Variants in FAM153A observed in about 807,000 individuals in gnomAD.
FAM153A encodes family with sequence similarity 153 member A.
In FAM153A, 12 loss-of-function variants were observed where a neutral mutation model predicts 48.1. The observed-to-expected ratio is 0.25, with a 90% CI of 0.16 to 0.40. The LOEUF is 0.40. FAM153A is among the 10% of genes least tolerant of loss of function. FAM153A has a pLI of 1.00. For synonymous variants in FAM153A, 36 were observed against 118.2 expected (o/e 0.30, Z 4.51); for missense variants, 111 against 345.8 (o/e 0.32, Z 5.38).
the FAM153A span, among the ~76,000 whole-genome samples, chr5:177,696,887 C>T: frequency 3.3e-5 from 5 of 151,198 alleles, no homozygotes; most frequent in Admixed American, 6.6e-5. Context: ...TGTAAGTCCT[C>T]CAACTTTGTT....
At chr5:177,716,626 CTAAA>C (rs778719559) in intron 24 of FAM153A, among the ~76,000 whole-genome samples, 1 of 151,596 alleles carries the variant, frequency 6.6e-6, no homozygotes, top group Non-Finnish European at 1.5e-5. Flanking sequence ...TGTATTAAAA[CTAAA>C]TATATTGTTT....
chr5:177,781,338 A>G (rs2032959784), upstream of FAM153A, among the ~76,000 whole-genome samples: 2 of 144,032 alleles, frequency 1.4e-5, no homozygotes, highest in Admixed American at 1.4e-4. Flanking sequence ...GATGGTCTCA[A>G]TCTCAATCTC....
chr5:177,750,782 C>CTTAA, intron 2 of FAM153A: 9 of 353,824 alleles, frequency 2.5e-5, no homozygotes, highest in South Asian at 1.7e-4. Context: ...TGACTTAACA[C>CTTAA]ATTTAAATAT....
the FAM153A span, among the ~76,000 whole-genome samples, chr5:177,702,532 G>C: frequency 6.6e-6 from 1 of 151,946 alleles, no homozygotes; most frequent in Admixed American, 6.5e-5. Context: ...ATTTGCATAC[G>C]TAAAAAGGTG....
At position 177,771,279 on chromosome 5, in the gene FAM153A, A is replaced by G; in HGVS notation, c.-57+9170T>C. Among the ~76,000 whole-genome samples the G allele has an allele frequency of 2.1e-5, 2 of 97,508 alleles. 1 individual carries two copies. The highest frequency in any genetic ancestry group is 4.3e-5 in the Non-Finnish European group (2 of 47,002). The allele number at this position is 97,508 out of a possible 152,430, so 64.0% of individuals were successfully genotyped here. A position where few individuals can be genotyped will look rare whatever the true frequency, so the allele number is the denominator to read the frequency against. ...ATTTTTATTCTAATTTTAACTCAGA[A>G]ATTATTATGCTTATTCAATTTAACC... On this transcript the variant is annotated intron_variant, in intron 1 of 8. Coordinates refer to the FAM153A transcript ENST00000393518.
At chr5:177,708,830 C>T (rs532520130), downstream of FAM153A, among the ~76,000 whole-genome samples, 28 of 151,664 alleles carry the variant, frequency 1.8e-4, no homozygotes, top group South Asian at 1.2e-3. Flanking sequence ...CTCAGTGGCT[C>T]ACGCCTGTAA....
rs188951470 is a variant in FAM153A at position 177,765,255 on chromosome 5, C to G, written c.-57+15194G>C. ...TCTGCACTTGGCCTAATAAAGACAA[C>G]AGTGAACATCTGGGCCATCCCCATT... On this transcript the variant is annotated intron_variant, in intron 1 of 8. Transcript: ENST00000393518. 3.3e-4 allele frequency among the ~76,000 whole-genome samples: 33 copies of G among 99,294 alleles called. 14 individuals are homozygous for G. Among genetic ancestry groups the G allele is most frequent in the Admixed American group, 2.2e-3 (22 of 9,782 alleles). 65.1% of individuals were successfully genotyped at this position (99,294 alleles called of 152,430 possible).
the FAM153A span, among the ~76,000 whole-genome samples, chr5:177,699,331 A>T: frequency 1.3e-5 from 2 of 151,352 alleles, no homozygotes; most frequent in Non-Finnish European, 2.9e-5. Context: ...GGAAGGAAAT[A>T]TTAATGTGCA....
intron 10 of FAM153A, among the ~76,000 whole-genome samples, chr5:177,737,456 A>C (rs968217019): frequency 6.6e-6 from 1 of 151,032 alleles, no homozygotes; most frequent in African/African-American, 2.5e-5. Context: ...TTGATCCCCT[A>C]GAGGTCATTT....
intron 1 of FAM153A, among the ~76,000 whole-genome samples, chr5:177,762,176 CCGATGCT>C (rs1561952417): frequency 1.6e-5 from 1 of 60,914 alleles, no homozygotes; most frequent in Non-Finnish European, 3.6e-5. Flanking sequence ...CGTGGTTTTC[CCGATGCT>C]CGATGCTCGG....
chr5:177,714,092 C>T (rs1205197024), intron 25 of FAM153A: 1 of 151,804 alleles, frequency 6.6e-6, no homozygotes, highest in Non-Finnish European at 1.5e-5. Flanking sequence ...TGACATGCAT[C>T]TGGTTCATCA....
chr5:177,749,459 T>C (rs1766536316), intron 2 of FAM153A, among the ~76,000 whole-genome samples: 1 of 104,222 alleles, frequency 9.6e-6, no homozygotes, highest in Non-Finnish European at 2.0e-5. Flanking sequence ...AGACACGATG[T>C]ACAAACAATA....
At chr5:177,700,899 A>C in the FAM153A span, among the ~76,000 whole-genome samples, 1 of 151,646 alleles carries the variant, frequency 6.6e-6, no homozygotes, top group Non-Finnish European at 1.5e-5. Flanking sequence ...GAAATTAAGA[A>C]AACAATTCTG....
chr5:177,738,788 G>A (rs1168385391), intron 10 of FAM153A, among the ~76,000 whole-genome samples: 1 of 151,678 alleles, frequency 6.6e-6, no homozygotes, highest in Non-Finnish European at 1.5e-5. Context: ...TTTGTGTTGA[G>A]CTGTGCACAT....
the FAM153A span, among the ~76,000 whole-genome samples, chr5:177,697,302 T>C: frequency 6.6e-6 from 1 of 151,744 alleles, no homozygotes; most frequent in East Asian, 1.9e-4. Flanking sequence ...TGATCTTATG[T>C]TTTGTGACCT....
Position 177,729,631 on chromosome 5 carries a change from G to A in FAM153A, c.863-76C>T, listed in dbSNP as rs575627081. ...CAGGTGGTCTTGGAGCTGTGGACAC[G>A]GGGCTGGCGTGTGTGGAAAGGTGTG... On this transcript the variant is annotated intron_variant, in intron 16 of 20. Coordinates refer to ENST00000614127, the Ensembl canonical transcript of FAM153A. 2.5e-4 allele frequency: 406 copies of A among 1,604,170 alleles called. 3 individuals are homozygous for A. In the East Asian group the frequency reaches 4.2e-3, roughly 17 times the overall value.
At chr5:177,705,267 A>T (rs1193152056), downstream of FAM153A, among the ~76,000 whole-genome samples, 1 of 151,720 alleles carries the variant, frequency 6.6e-6, no homozygotes, top group Non-Finnish European at 1.5e-5. Flanking sequence ...TCATGCCACT[A>T]TACTCCAGCC....
At position 177,768,995 on chromosome 5, in the gene FAM153A, G is replaced by A. The variant is rs13356729; in HGVS notation, c.-57+11454C>T. ...TCCCAGCACTTTGGGAGGCCGAGGCGGGCAGATCACGAGGTCAGGAGATCA... is the reference window on the plus strand; with the variant it reads ...TCCCAGCACTTTGGGAGGCCGAGGCAGGCAGATCACGAGGTCAGGAGATCA... On this transcript the variant is annotated intron_variant, in intron 1 of 8. Coordinates refer to the FAM153A transcript ENST00000393518. Among the ~76,000 whole-genome samples the A allele has an allele frequency of 7.7e-5, 7 of 90,820 alleles. 1 individual carries two copies. The highest frequency in any genetic ancestry group is 2.3e-4 in the Admixed American group (2 of 8,666). 59.6% of individuals were successfully genotyped at this position (90,820 alleles called of 152,430 possible). A position where few individuals can be genotyped will look rare whatever the true frequency, so the allele number is the denominator to read the frequency against.
At chr5:177,699,828 G>A in the FAM153A span, among the ~76,000 whole-genome samples, 1 of 151,564 alleles carries the variant, frequency 6.6e-6, no homozygotes, top group African/African-American at 2.4e-5. Context: ...AAGCATAGAA[G>A]AGGAGGAAAT....
Sources: gnomAD v4.1 joint callset for allele counts (sites outside exome capture counted in the v4.1 genomes callset) on GRCh38, gnomAD v4.1.1 for gene constraint, MANE v1.5 for transcripts, NCBI Gene and HGNC (gene_info 2026-07-23, HGNC 2026-07-21) for gene names.